R3HDM1: variants seen among roughly 807,000 people sequenced by gnomAD.
R3HDM1 encodes R3H domain-containing protein 1.
A neutral mutation model predicts 141.1 loss-of-function variants in R3HDM1; 46 were observed. The ratio of observed to expected loss-of-function variants is 0.33; its 90% CI spans 0.26 to 0.42. The LOEUF (loss-of-function observed/expected upper bound fraction) is 0.42. Ranked by LOEUF, R3HDM1 falls within the 10% of genes least tolerant of loss-of-function variation. The pLI is 1.00. For missense variants in R3HDM1, 1,184 were observed against 1,368.3 expected (o/e 0.87, Z 2.12); for synonymous variants, 435 against 472.9 (o/e 0.92, Z 1.04).
chr2:135,636,622 A>G (rs1198415527), intron 11 of R3HDM1, among the ~76,000 whole-genome samples: 1 of 152,130 alleles, frequency 6.6e-6, no homozygotes, highest in Non-Finnish European at 1.5e-5. Flanking sequence ...TTGTAGGTTA[A>G]TATCTGTTTT....
At chr2:135,567,548 C>T (rs531563745) in intron 1 of R3HDM1, among the ~76,000 whole-genome samples, 1 of 152,096 alleles carries the variant, frequency 6.6e-6, no homozygotes, top group African/African-American at 2.4e-5. Flanking sequence ...GCTTAGTATC[C>T]TAGAGTATAT....
chr2:135,584,364 T>C (rs2105038783), intron 1 of R3HDM1: 5 of 927,394 alleles, frequency 5.4e-6, no homozygotes, highest in Non-Finnish European at 6.4e-6. Context: ...ATTTCTGTTA[T>C]TGAGGATTTA....
intron 1 of R3HDM1, among the ~76,000 whole-genome samples, chr2:135,539,664 G>GAA (rs563136409): frequency 2.0e-5 from 3 of 146,496 alleles, no homozygotes; most frequent in South Asian, 2.2e-4. Context: ...GTTATCATTT[G>GAA]AAAAAAAAAA....
At position 135,631,872 on chromosome 2, in the gene R3HDM1, A is replaced by G; in HGVS notation, c.569A>G (p.Lys190Arg). The G allele has an allele frequency of 6.2e-7, 1 of 1,607,790 alleles. No individual in the cohort carries two copies. The highest frequency in any genetic ancestry group is 8.5e-7 in the Non-Finnish European group (1 of 1,177,492). ...TCTTGTGCTTCTAGGTCTCCACGTA[A>G]AAAATTCCCCCCAATGACATCTTAC... The part of the protein sequence containing the change: ...DFIGNNESPR[K>R]KFPPMTSYHR... Residue 190 changes from lysine to arginine, a missense_variant, in exon 9 of 27, where the codon AAA (lysine) becomes AGA (arginine). Coordinates refer to ENST00000683871, the MANE Select transcript of R3HDM1 (RefSeq NM_001378107.1).
chr2:135,716,069 G>C (rs572361446), intron 24 of R3HDM1, among the ~76,000 whole-genome samples: 11 of 152,318 alleles, frequency 7.2e-5, no homozygotes, highest in South Asian at 6.2e-4. Flanking sequence ...GCTTACGCCT[G>C]CAATCCCAGC....
intron 1 of R3HDM1, among the ~76,000 whole-genome samples, chr2:135,601,618 A>G (rs1475531253): frequency 1.3e-5 from 2 of 152,206 alleles, no homozygotes; most frequent in Non-Finnish European, 2.9e-5. Flanking sequence ...ATACCGAATA[A>G]ATATAAAATA....
rs550080069 is a variant in R3HDM1 at position 135,540,931 on chromosome 2, A to G, written c.-250+9298A>G. 2.1e-3 allele frequency among the ~76,000 whole-genome samples: 317 copies of G among 152,348 alleles called. 4 individuals carry two copies. The highest frequency in any genetic ancestry group is 7.4e-3 in the African/African-American group (308 of 41,576). On this transcript the variant is annotated intron_variant, in intron 1 of 26. Coordinates refer to ENST00000683871, the MANE Select transcript of R3HDM1 (RefSeq NM_001378107.1). ...TCAAAGGAACATTCATTCTTTTTAC[A>G]TCTCCATCAGAGCTCTTGGGTGACA...
At chr2:135,690,500 T>C (rs1247316110) in intron 21 of R3HDM1, among the ~76,000 whole-genome samples, 2 of 152,204 alleles carry the variant, frequency 1.3e-5, no homozygotes, top group African/African-American at 2.4e-5. Flanking sequence ...TAAGTGTTTT[T>C]ACACCAATAA....
At chr2:135,654,213 A>C (rs1268661928) in intron 18 of R3HDM1, among the ~76,000 whole-genome samples, 1 of 152,002 alleles carries the variant, frequency 6.6e-6, no homozygotes, top group Non-Finnish European at 1.5e-5. Context: ...ATATTAATGG[A>C]ATCAGGCAAC....
chr2:135,645,566 G>C (rs772925893), intron 16 of R3HDM1, 39 bp downstream of exon 16: 23 of 1,595,052 alleles, frequency 1.4e-5, no homozygotes, highest in Admixed American at 1.7e-5. Context: ...AAGTTGACTT[G>C]CCTTTACATA....
chr2:135,619,068 A>T (rs1009957301), intron 5 of R3HDM1, among the ~76,000 whole-genome samples: 1 of 152,128 alleles, frequency 6.6e-6, no homozygotes, highest in Non-Finnish European at 1.5e-5. Flanking sequence ...AGAGTAAAGA[A>T]TACGCCTGTT....
At chr2:135,660,908 AATAG>A (rs1041908170) in intron 18 of R3HDM1, among the ~76,000 whole-genome samples, 1 of 151,894 alleles carries the variant, frequency 6.6e-6, no homozygotes, top group African/African-American at 2.4e-5. Flanking sequence ...ATATATAGTA[AATAG>A]ATATATACTG....
rs764347794 is a variant in R3HDM1, at chr2:135,641,561, G to T, written c.1245G>T (p.Gly415=). 3 of 1,613,882 alleles carry T rather than the reference G, an allele frequency of 1.9e-6. No individual in the cohort carries two copies. Among genetic ancestry groups the T allele is most frequent in the Non-Finnish European group, 2.5e-6 (3 of 1,179,870 alleles). ...GTTCTGAGTCTTCTGGTAGTGTAGG[G>T]TCATCTACAGGCTCTCTTTCTCACA... The part of the protein sequence containing the change: ...KTGSESSGSV[G]SSTGSLSHIQ... The change falls in exon 15 of 27, where the codon GGG becomes GGT. Residue 415 remains glycine, a synonymous_variant. Coordinates refer to ENST00000683871, the MANE Select transcript of R3HDM1 (RefSeq NM_001378107.1).
intron 14 of R3HDM1, among the ~76,000 whole-genome samples, chr2:135,641,333 C>A (rs2063768827): frequency 1.3e-5 from 2 of 152,138 alleles, no homozygotes; most frequent in Admixed American, 1.3e-4. Flanking sequence ...AGTGATTTCT[C>A]TGACAACTTA....
intron 1 of R3HDM1, among the ~76,000 whole-genome samples, chr2:135,585,663 T>G (rs1707734647): frequency 6.6e-6 from 1 of 152,216 alleles, no homozygotes; most frequent in South Asian, 2.1e-4. Flanking sequence ...TTAAACATTG[T>G]TTTTTAAATT....
chr2:135,622,062 T>A (rs1400579509), intron 6 of R3HDM1: 1 of 984,388 alleles, frequency 1.0e-6, no homozygotes, highest in Non-Finnish European at 1.2e-6. Flanking sequence ...TAGAAATGCT[T>A]TTTAAATTTA....
At position 135,725,240 on chromosome 2, in the gene R3HDM1, A is replaced by T. The variant is rs1447613937; in HGVS notation, c.*948A>T. 1 of 150,526 alleles carries T rather than the reference A, an allele frequency of 6.6e-6. No homozygotes were observed. The highest frequency in any genetic ancestry group is 2.4e-5 in the African/African-American group (1 of 41,370). The allele number at this position is 150,526 out of a possible 1,614,324, so 9.3% of individuals were successfully genotyped here. ...ATGTGTGCTGATGCAAGCCTTTTTC[A>T]GTTCAAGAGAATAAATGTTTACAAA... On this transcript the variant is annotated 3_prime_UTR_variant, in exon 27 of 27. Transcript: ENST00000683871.
At chr2:135,649,086 G>A (rs1000987388) in intron 16 of R3HDM1, 2 of 136,756 alleles carry the variant, frequency 1.5e-5, no homozygotes, top group African/African-American at 5.2e-5. Flanking sequence ...TTTTTTTTTA[G>A]ACGGAGTCTC....
chr2:135,667,097 T>C (rs1389599724), intron 19 of R3HDM1: 4 of 911,574 alleles, frequency 4.4e-6, no homozygotes, highest in African/African-American at 1.8e-5. Context: ...AAGAATGCTT[T>C]CCTTTAGAAC....
Sources: allele counts gnomAD v4.1 joint callset (sites outside exome capture counted in the v4.1 genomes callset), GRCh38; gene constraint gnomAD v4.1.1; transcripts MANE v1.5; gene names NCBI Gene and HGNC (gene_info 2026-07-23, HGNC 2026-07-21).